SGSM1: variants seen among roughly 807,000 people sequenced by gnomAD.
SGSM1 encodes RUN and TBC1 domain containing 2.
In SGSM1, 73 loss-of-function variants were observed where a neutral mutation model predicts 133.8. That is an observed-to-expected ratio of 0.55 (90% CI 0.45 to 0.66). The LOEUF (loss-of-function observed/expected upper bound fraction) is 0.66. Among genes scored for constraint, SGSM1 ranks in the 30% least tolerant of loss-of-function variants. SGSM1 has a pLI of 0.00. For synonymous variants in SGSM1, 563 were observed against 573.0 expected (o/e 0.98, Z 0.25); for missense variants, 1,213 against 1,448.1 (o/e 0.84, Z 2.64).
chr22:24,882,445 T>C (rs1047081737), intron 14 of SGSM1, among the ~76,000 whole-genome samples: 1 of 152,222 alleles, frequency 6.6e-6, no homozygotes, highest in Non-Finnish European at 1.5e-5. Flanking sequence ...TTTTGATAGA[T>C]GTATCCATTG....
At chr22:24,839,414 G>A (rs1476502900) in intron 2 of SGSM1, among the ~76,000 whole-genome samples, 1 of 152,162 alleles carries the variant, frequency 6.6e-6, no homozygotes, top group East Asian at 1.9e-4. Context: ...GCATTTTGTT[G>A]AGGATTCTTG....
chr22:24,857,476 G>A (rs1930872963), intron 8 of SGSM1, among the ~76,000 whole-genome samples: 1 of 148,724 alleles, frequency 6.7e-6, no homozygotes, highest in Non-Finnish European at 1.5e-5. Flanking sequence ...TGTTTTATTT[G>A]CTACTTAGAA....
chr22:24,897,913 T>A, intron 18 of SGSM1, 59 bp from the exon 19 acceptor site: 1 of 1,439,368 alleles, frequency 6.9e-7, no homozygotes, highest in Non-Finnish European at 9.4e-7. Flanking sequence ...AGGTTGCTGA[T>A]GTAAGTAATG....
intron 12 of SGSM1, among the ~76,000 whole-genome samples, chr22:24,875,140 T>C (rs1262188755): frequency 6.6e-6 from 1 of 152,184 alleles, no homozygotes; most frequent in Non-Finnish European, 1.5e-5. Flanking sequence ...CCAGTTGTCC[T>C]GTGGGGACCA....
intron 2 of SGSM1, among the ~76,000 whole-genome samples, chr22:24,824,968 C>T (rs897354910): frequency 2.0e-5 from 3 of 152,134 alleles, no homozygotes; most frequent in African/African-American, 4.8e-5. Context: ...CAGGAGCACT[C>T]GAGAAATATT....
chr22:24,837,586 C>T lies in SGSM1; in HGVS notation c.64-7311C>T, dbSNP rs1313478259. On this transcript the variant is annotated intron_variant, in intron 2 of 24. Transcript: ENST00000400358. ...CCCCCGGGGAAAGGGAGACCCCCCCCCCCCCTTTCCCAGTCTGCTAAGTAG... is the reference window on the plus strand; with the variant it reads ...CCCCCGGGGAAAGGGAGACCCCCCCTCCCCCTTTCCCAGTCTGCTAAGTAG... 5.4e-5 allele frequency among the ~76,000 whole-genome samples: 4 copies of T among 74,048 alleles called. No homozygotes were observed. In the East Asian group the frequency reaches 1.3e-3, roughly 24 times the overall value. The allele number at this position is 74,048 out of a possible 152,430, so 48.6% of individuals were successfully genotyped here. A position where few individuals can be genotyped will look rare whatever the true frequency, so the allele number is the denominator to read the frequency against.
chr22:24,900,992 C>G (rs1027816339), intron 19 of SGSM1, among the ~76,000 whole-genome samples: 3 of 152,216 alleles, frequency 2.0e-5, no homozygotes, highest in Admixed American at 6.5e-5. Context: ...ACTACATTCT[C>G]TGATCTTTCA....
intron 2 of SGSM1, among the ~76,000 whole-genome samples, chr22:24,827,439 G>C (rs1489696013): frequency 6.6e-6 from 1 of 152,072 alleles, no homozygotes; most frequent in Non-Finnish European, 1.5e-5. Flanking sequence ...GGTGTGGCTG[G>C]ACGTGGTGGG....
Position 24,898,552 on chromosome 22 carries a change from C to T in SGSM1, c.2603C>T (p.Thr868Ile). The T allele has an allele frequency of 6.2e-7, 1 of 1,601,744 alleles. No individual in the cohort carries two copies. The highest frequency in any genetic ancestry group is 8.5e-7 in the Non-Finnish European group (1 of 1,173,418). ...TCCCCTGTGTCTTCCAGCGGCGTCA[C>T]CTACTCTGTAAGTCACCAGGACCCT... is the stretch of plus-strand genomic sequence containing the variant. The part of the protein sequence containing the change: ...EVSPVSSSGV[T>I]YSPELLDLYT... The change falls in exon 19 of 25, where the codon ACC becomes ATC. Residue 868 changes from threonine to isoleucine, a missense_variant. Thr to Ile is a moderately conservative substitution (Grantham distance 89, BLOSUM62 -1). Transcript: ENST00000400358.
intron 2 of SGSM1, among the ~76,000 whole-genome samples, chr22:24,806,802 G>A (rs979942829): frequency 6.6e-6 from 1 of 152,006 alleles, no homozygotes; most frequent in Admixed American, 6.5e-5. Context: ...AGGTGGGCGC[G>A]GCTCAGGAAG....
chr22:24,903,358 G>A (rs760268150), intron 20 of SGSM1, among the ~76,000 whole-genome samples: 3 of 151,652 alleles, frequency 2.0e-5, no homozygotes, highest in African/African-American at 4.8e-5. Context: ...ATAGGTGCAC[G>A]CTGCCAGGCC....
intron 22 of SGSM1, among the ~76,000 whole-genome samples, chr22:24,915,364 ATCC>A (rs1472689602): frequency 6.6e-6 from 1 of 152,238 alleles, no homozygotes; most frequent in Non-Finnish European, 1.5e-5. Flanking sequence ...GGGAATGCAC[ATCC>A]TCAGTTTTAT....
intron 2 of SGSM1, among the ~76,000 whole-genome samples, chr22:24,819,774 T>G (rs1043122690): frequency 2.0e-5 from 3 of 152,222 alleles, no homozygotes; most frequent in Admixed American, 6.5e-5. Context: ...TTGGATTGCT[T>G]CTTCTAAGGT....
intron 22 of SGSM1, 61 bp from the exon 23 acceptor site, chr22:24,917,597 G>A (rs1181946984): frequency 1.6e-6 from 2 of 1,238,018 alleles, no homozygotes; most frequent in African/African-American, 3.0e-5. Flanking sequence ...CATTTATTCA[G>A]CTGTCTCCTC....
intron 9 of SGSM1, among the ~76,000 whole-genome samples, chr22:24,866,558 T>C (rs1931470080): frequency 1.3e-5 from 2 of 152,192 alleles, no homozygotes; most frequent in Admixed American, 6.5e-5. Flanking sequence ...ATCCAGGGAC[T>C]TGAATGACAG....
chr22:24,904,616 A>G (rs1218231836), intron 20 of SGSM1, among the ~76,000 whole-genome samples: 5 of 152,042 alleles, frequency 3.3e-5, no homozygotes, highest in East Asian at 1.9e-4. Flanking sequence ...TGGGTTGAGT[A>G]TACAGTAAGA....
intron 2 of SGSM1, among the ~76,000 whole-genome samples, chr22:24,843,079 C>T (rs1929899086): frequency 6.6e-6 from 1 of 152,178 alleles, no homozygotes; most frequent in African/African-American, 2.4e-5. Flanking sequence ...CTGCTCCTTC[C>T]TACCCTGTGA....
chr22:24,886,255 G>GCA (rs1932592786), intron 15 of SGSM1, among the ~76,000 whole-genome samples: 1 of 151,562 alleles, frequency 6.6e-6, no homozygotes, highest in African/African-American at 2.4e-5. Flanking sequence ...ACAAAAATTA[G>GCA]CTGGATGTGG....
At chr22:24,854,853 A>G in intron 5 of SGSM1, 143 bp from the exon 6 acceptor site, 1 of 632,900 alleles carries the variant, frequency 1.6e-6, no homozygotes, top group Non-Finnish European at 2.8e-6. Context: ...TATGAGCTAT[A>G]TTATTATTAT....
Sources: allele counts gnomAD v4.1 joint callset (sites outside exome capture counted in the v4.1 genomes callset), GRCh38; gene constraint gnomAD v4.1.1; transcripts MANE v1.5; gene names NCBI Gene and HGNC (gene_info 2026-07-23, HGNC 2026-07-21).